CCND3: variants seen among roughly 807,000 people sequenced by gnomAD.
CCND3 encodes the protein G1/S-specific cyclin-D3.
Under a neutral mutation model 28.7 loss-of-function variants are expected in CCND3, and 9 were observed. The ratio of observed to expected loss-of-function variants is 0.31; its 90% confidence interval spans 0.19 to 0.55. CCND3 has a LOEUF of 0.55. Ranked by LOEUF, CCND3 falls within the 20% of genes least tolerant of loss-of-function variation. The probability of loss-of-function intolerance (pLI) is 0.93; values close to 1 mark genes in which losing one functional copy is unlikely to be tolerated. For missense variants in CCND3, 315 were observed against 385.8 expected, an observed-to-expected ratio of 0.82 and a Z score of 1.54; for synonymous variants, 164 against 163.9, an observed-to-expected ratio of 1.00 and a Z score of 0.00.
rs181284761 is a variant in CCND3 at position 42,026,277 on chromosome 6, C to T, written c.-46+22224G>A. Among the ~76,000 whole-genome samples the T allele has an allele frequency of 6.2e-3, 937 of 152,152 alleles. 5 individuals are homozygous for T. Among genetic ancestry groups the T allele is most frequent in the Non-Finnish European group, 0.011 (774 of 67,982 alleles). On this transcript the variant is annotated intron_variant, in intron 1 of 4. Transcript: ENST00000372988. ...CAGAGAACAGCACAGACCCTCTCCC[C>T]CCGCCGCCCCCCTGCCAAGGGGAAA...
At chr6:41,945,468 C>T (rs914315179), upstream of CCND3, among the ~76,000 whole-genome samples, 1 of 152,138 alleles carries the variant, frequency 6.6e-6, no homozygotes, top group East Asian at 1.9e-4. Flanking sequence ...GAGCCGAGAT[C>T]GTGCCATTGC....
intron 1 of CCND3, among the ~76,000 whole-genome samples, chr6:41,964,414 G>C (rs534206682): frequency 6.6e-6 from 1 of 150,730 alleles, no homozygotes; most frequent in African/African-American, 2.4e-5. Flanking sequence ...GTGTGTGTCT[G>C]TGTGTGAATG....
intron 1 of CCND3, among the ~76,000 whole-genome samples, chr6:41,952,344 G>A (rs762884948): frequency 2.6e-5 from 4 of 152,208 alleles, no homozygotes; most frequent in Non-Finnish European, 4.4e-5. Context: ...GAGCAGGGAA[G>A]GGACAGAGGC....
chr6:41,941,371 G>A lies in CCND3; in HGVS notation c.198+81C>T. Reference sequence around the variant, plus strand: ...CGGAGCATCCTGCAGATTGCTGTGGGGACCGGGATGTCCCGACAGGGCGGC... The same window carrying A: ...CGGAGCATCCTGCAGATTGCTGTGGAGACCGGGATGTCCCGACAGGGCGGC... On this transcript the variant is annotated intron_variant, in intron 1 of 4. Coordinates refer to ENST00000372991, the MANE Select transcript of CCND3 (RefSeq NM_001760.5). This position sits in a 1 kb window ranked among gnomAD's most constrained non-coding sequence, Gnocchi z 6.1. 1.0e-5 allele frequency: 16 copies of A among 1,562,956 alleles called. No individual in the cohort carries two copies. The highest frequency in any genetic ancestry group is 1.3e-5 in the Non-Finnish European group (15 of 1,158,924).
At chr6:41,999,317 C>T (rs1039289812) in intron 1 of CCND3, among the ~76,000 whole-genome samples, 1 of 151,942 alleles carries the variant, frequency 6.6e-6, no homozygotes, top group Non-Finnish European at 1.5e-5. Context: ...GGCACAATCT[C>T]GGCTCACTGC....
At chr6:41,983,865 A>G (rs1350311036) in intron 1 of CCND3, among the ~76,000 whole-genome samples, 3 of 152,122 alleles carry the variant, frequency 2.0e-5, no homozygotes, top group African/African-American at 7.2e-5. Flanking sequence ...AATTAAAAAT[A>G]AGCAAACCAC....
chr6:41,968,022 G>T (rs1159540338), intron 1 of CCND3, among the ~76,000 whole-genome samples: 1 of 152,164 alleles, frequency 6.6e-6, no homozygotes, highest in African/African-American at 2.4e-5. Context: ...AGTCTTTTCT[G>T]AATGTAAACC....
At chr6:41,978,931 A>G (rs1395336818) in intron 1 of CCND3, among the ~76,000 whole-genome samples, 1 of 152,178 alleles carries the variant, frequency 6.6e-6, no homozygotes, top group Non-Finnish European at 1.5e-5. Context: ...TAATCCCAGC[A>G]CTTTGGGAGG....
At chr6:41,946,473 C>T (rs1396227112), upstream of CCND3, among the ~76,000 whole-genome samples, 3 of 151,400 alleles carry the variant, frequency 2.0e-5, no homozygotes, top group Non-Finnish European at 2.9e-5. Context: ...CAGTGGCGCA[C>T]GCCTGTAGTC....
chr6:42,027,974 C>T (rs558436826), intron 1 of CCND3, among the ~76,000 whole-genome samples: 14 of 152,190 alleles, frequency 9.2e-5, no homozygotes, highest in South Asian at 6.2e-4. Flanking sequence ...CTCAAACTCC[C>T]GACCTCAGGT....
At chr6:41,987,505 CTCTCTCTCTCTCTGTG>C (rs1187080857) in intron 1 of CCND3, among the ~76,000 whole-genome samples, 507 of 94,886 alleles carry the variant, frequency 5.3e-3, no homozygotes, top group African/African-American at 0.022. Context: ...CTCTCTCTCT[CTCTCTCTCTCTCTGTG>C]TGTGTGTGTG....
At chr6:41,947,560 C>G (rs151107576) in intron 1 of CCND3, among the ~76,000 whole-genome samples, 41 of 152,344 alleles carry the variant, frequency 2.7e-4, no homozygotes, top group Middle Eastern at 3.4e-3. Context: ...AATCCCCACA[C>G]TCTGATCAGC....
intron 1 of CCND3, among the ~76,000 whole-genome samples, chr6:41,969,284 C>T (rs573149377): frequency 5.9e-5 from 9 of 151,918 alleles, no homozygotes; most frequent in African/African-American, 1.9e-4. Flanking sequence ...GAGGCCCAGG[C>T]GGGCGGATCA....
intron 1 of CCND3, among the ~76,000 whole-genome samples, chr6:41,964,280 ATG>A (rs34167767): frequency 0.061 from 9,197 of 151,436 alleles, 368 homozygotes; most frequent in Non-Finnish European, 0.089. Flanking sequence ...CAGCGTGTGT[ATG>A]TGTGTGTGTG....
At chr6:41,996,123 A>ATAATAT (rs1554164470) in intron 1 of CCND3, among the ~76,000 whole-genome samples, 1 of 97,004 alleles carries the variant, frequency 1.0e-5, no homozygotes, top group Non-Finnish European at 1.9e-5. Context: ...ATATATATAT[A>ATAATAT]ATATATATAT....
At chr6:41,987,477 T>TTC (rs71544258) in intron 1 of CCND3, among the ~76,000 whole-genome samples, 20 of 126,488 alleles carry the variant, frequency 1.6e-4, no homozygotes, top group African/African-American at 5.5e-4. Context: ...GACCAGGCTT[T>TTC]TCTCTCTCTC....
intron 1 of CCND3, among the ~76,000 whole-genome samples, chr6:41,961,204 T>C (rs1023381732): frequency 6.6e-6 from 1 of 152,226 alleles, no homozygotes; most frequent in Non-Finnish European, 1.5e-5. Context: ...CCGAGCGTGG[T>C]GGCTCACGCC....
At chr6:42,039,193 T>A (rs1281364011) in intron 1 of CCND3, among the ~76,000 whole-genome samples, 2 of 152,244 alleles carry the variant, frequency 1.3e-5, no homozygotes, top group African/African-American at 4.8e-5. Context: ...ATGTATCCTG[T>A]GTTTTATGAG....
chr6:41,969,995 G>A (rs975151662), intron 1 of CCND3, among the ~76,000 whole-genome samples: 1 of 152,036 alleles, frequency 6.6e-6, no homozygotes, highest in Non-Finnish European at 1.5e-5. Context: ...CTTAAGCCCA[G>A]GAGTTCAAGT....
Sources: allele counts gnomAD v4.1 joint callset (sites outside exome capture counted in the v4.1 genomes callset), GRCh38; gene constraint gnomAD v4.1.1; non-coding constraint Gnocchi (gnomAD v3.1); transcripts MANE v1.5; gene names NCBI Gene and HGNC (gene_info 2026-07-23, HGNC 2026-07-21).